Variants in SZT2 observed in about 807,000 individuals in gnomAD.
SZT2 encodes KICSTOR complex protein SZT2.
Under a neutral mutation model 404.2 loss-of-function variants are expected in SZT2, and 216 were observed. The ratio of observed to expected loss-of-function variants is 0.53; its 90% CI spans 0.48 to 0.60. The LOEUF (loss-of-function observed/expected upper bound fraction) is 0.60, where lower values mean the gene tolerates loss of function less well. Among genes scored for constraint, SZT2 ranks in the 20% least tolerant of loss-of-function variants. The probability of loss-of-function intolerance (pLI) is 0.00; values close to 1 mark genes in which losing one functional copy is unlikely to be tolerated. For missense variants in SZT2, 3,857 were observed against 4,459.2 expected (o/e 0.86, Z 3.85); for synonymous variants, 1,693 against 1,749.9 (o/e 0.97, Z 0.81).
In SZT2 at chr1:43,451,847, G is replaced by A. The variant is rs201415941; in HGVS notation, c.*1367G>A. 6.1e-5 allele frequency: 99 copies of A among 1,613,860 alleles called. 1 individual carries two copies. The highest frequency in any genetic ancestry group is 1.7e-4 in the Admixed American group (10 of 59,972). ...TCCTACCTTCTGTAAGATGGCTGCC[G>A]CTGTAAGAGAAGCCAGGGAGGGGAC... is the stretch of plus-strand genomic sequence containing the variant. On this transcript the variant is annotated 3_prime_UTR_variant, in exon 72 of 72. Transcript: ENST00000634258.
chr1:43,451,557 G>A lies in SZT2; in HGVS notation c.*1077G>A, dbSNP rs1418102978. On this transcript the variant is annotated 3_prime_UTR_variant, in exon 72 of 72. Transcript: ENST00000634258. ...ACCTGCACATGCCCTGGGGACAGAT[G>A]TGGACAAATGTGGGGTCCAGGCTCC... The A allele has an allele frequency of 6.2e-6, 10 of 1,613,514 alleles. No individual in the cohort carries two copies. The Middle Eastern group carries it at 4.9e-4, about 80-fold the overall frequency.
chr1:43,409,275 C>T (rs952575308), intron 4 of SZT2, among the ~76,000 whole-genome samples: 4 of 152,034 alleles, frequency 2.6e-5, no homozygotes, highest in South Asian at 4.2e-4. Context: ...GTAAGCAGGG[C>T]GTTCCTATTG....
Position 43,394,177 on chromosome 1 carries a change from T to A in SZT2, c.27+4182T>A, listed in dbSNP as rs1557497732. The A allele has an allele frequency of 2.7e-5, 19 of 695,738 alleles. No individual in the cohort carries two copies. The South Asian group carries it at 5.2e-4, about 19-fold the overall frequency. 43.1% of individuals were successfully genotyped at this position (695,738 alleles called of 1,614,324 possible). ...TGGAAGAATCACTTGGAGACCTTGT[T>A]AGAATGTAGATTCTGGAGCCCATCA... On this transcript the variant is annotated intron_variant, in intron 1 of 71. Transcript: ENST00000634258.
Position 43,426,311 on chromosome 1 carries a change from C to T in SZT2, c.3044-57C>T. ...GAGGGGCCAGCTGGTCAGGGCTGAGCCGGGGGCACCGGGCAGCAGGAGGCT... is the reference window on the plus strand; with the variant it reads ...GAGGGGCCAGCTGGTCAGGGCTGAGTCGGGGGCACCGGGCAGCAGGAGGCT... On this transcript the variant is annotated intron_variant, in intron 21 of 71. Transcript: ENST00000634258. This position sits in a 1 kb window ranked among gnomAD's most constrained non-coding sequence, Gnocchi z 4.9. 1 of 1,504,508 alleles carries T rather than the reference C, an allele frequency of 6.6e-7. No homozygotes were observed. The highest frequency in any genetic ancestry group is 8.9e-7 in the Non-Finnish European group (1 of 1,125,934). 93.2% of individuals were successfully genotyped at this position (1,504,508 alleles called of 1,614,324 possible).
rs933417587 is a variant in SZT2, at chr1:43,422,131, G to A, written c.1675G>A (p.Ala559Thr). 2.5e-6 allele frequency: 4 copies of A among 1,597,862 alleles called. No individual in the cohort carries two copies. Among genetic ancestry groups the A allele is most frequent in the Admixed American group, 3.3e-5 (2 of 59,966 alleles). ...TTCTGACTCATCCCATGCCCAGTTT[G>A]CTGCCTACTGGAAGCCAGTGCTGTC... is the stretch of plus-strand genomic sequence containing the variant. ...SGSDSSHAQF[A>T]AYWKPVLSMD... Residue 559 changes from alanine to threonine, a missense_variant, in exon 12 of 72, where the codon GCT becomes ACT. Around this residue, in one of 7 missense-constraint regions of SZT2, gnomAD observed 39 missense variants for 89.7 expected, o/e 0.43. Transcript: ENST00000634258.
Position 43,426,090 on chromosome 1 carries a change from C to G in SZT2, c.2982C>G (p.Asp994Glu). ...TCCATGAGATCCCTTTCCATTTTGA[C>G]CTAATGGGATTGCTGCCACAGTGCC... ...TCVHEIPFHF[D>E]LMGLLPQCQQ... is the part of the protein sequence containing the mutation. Residue 994 changes from aspartate to glutamate, a missense_variant, in exon 21 of 72, where the codon GAC becomes GAG. Physicochemically the swap from Asp to Glu is conservative, Grantham distance 45. This residue lies in a region of SZT2 where 1,725 missense variants were observed against 1,881.0 expected (regional missense o/e 0.92). Coordinates refer to ENST00000634258, the MANE Select transcript of SZT2 (RefSeq NM_001365999.1). This position sits in a 1 kb window ranked among gnomAD's most constrained non-coding sequence, Gnocchi z 4.9. 1 of 1,614,154 alleles carries G rather than the reference C, an allele frequency of 6.2e-7. No individual in the cohort carries two copies.
chr1:43,425,687 G>A lies in SZT2; in HGVS notation c.2814+45G>A, dbSNP rs777800365. The A allele has an allele frequency of 1.0e-5, 16 of 1,607,652 alleles. No individual in the cohort carries two copies. Among genetic ancestry groups the A allele is most frequent in the Non-Finnish European group, 1.4e-5 (16 of 1,176,124 alleles). The stretch of plus-strand genomic sequence containing the variant: ...TACCCGCACCTCTCTCACTGGATTG[G>A]GGTGCCATCTCTTTTGGAGTACTGC... On this transcript the variant is annotated intron_variant, in intron 19 of 71. Coordinates refer to ENST00000634258, the MANE Select transcript of SZT2 (RefSeq NM_001365999.1). This position sits in a 1 kb window ranked among gnomAD's most constrained non-coding sequence, Gnocchi z 4.3.
rs757114763 is a variant in SZT2, at chr1:43,431,840, G to A, written c.5213G>A (p.Arg1738His). 6 of 1,614,050 alleles carry A rather than the reference G, an allele frequency of 3.7e-6. No homozygotes were observed. The highest frequency in any genetic ancestry group is 3.3e-4 in the Middle Eastern group (2 of 6,082). Reference protein sequence around the residue: ...HSSPGRSTCLRQTLPLSFVFG... With the variant: ...HSSPGRSTCLHQTLPLSFVFG... ...TCTCCTGGACGCTCCACCTGCCTTCGCCAAACTCTGCCACTGAGTTTTGTA... is the reference window on the plus strand; with the variant it reads ...TCTCCTGGACGCTCCACCTGCCTTCACCAAACTCTGCCACTGAGTTTTGTA... The change falls in exon 36 of 72, where the codon CGC becomes CAC. Residue 1738 changes from arginine to histidine, a missense_variant. Arg to His is a conservative substitution (Grantham distance 29). Transcript: ENST00000634258.
chr1:43,409,475 A>G, intron 4 of SZT2: 2 of 396,598 alleles, frequency 5.0e-6, no homozygotes, highest in Non-Finnish European at 4.9e-6. Flanking sequence ...AAATAAGTCA[A>G]ATTATCCTTG....
chr1:43,424,499 C>A lies in SZT2; in HGVS notation c.2471+67C>A. Reference sequence around the variant, plus strand: ...GAGCAAGTGTAGACTGGGACACTAGCAAAAAGCCTATAGCACACACTTCTC... The same window carrying A: ...GAGCAAGTGTAGACTGGGACACTAGAAAAAAGCCTATAGCACACACTTCTC... On this transcript the variant is annotated intron_variant, in intron 16 of 71. Coordinates refer to ENST00000634258, the MANE Select transcript of SZT2 (RefSeq NM_001365999.1). This position sits in a 1 kb window ranked among gnomAD's most constrained non-coding sequence, Gnocchi z 4.1. The A allele has an allele frequency of 6.7e-7, 1 of 1,496,124 alleles. No individual in the cohort carries two copies. Among genetic ancestry groups the A allele is most frequent in the Admixed American group, 1.8e-5 (1 of 56,894 alleles). 92.7% of individuals were successfully genotyped at this position (1,496,124 alleles called of 1,614,324 possible).
intron 23 of SZT2, 25 bp from the exon 24 acceptor site, chr1:43,427,031 T>G: frequency 6.2e-7 from 1 of 1,613,776 alleles, no homozygotes; most frequent in Non-Finnish European, 8.5e-7. Flanking sequence ...TATAGATTGC[T>G]CTAATTTCTG....
Position 43,439,623 on chromosome 1 carries a change from T to C in SZT2, c.6896T>C (p.Leu2299Pro). The change falls in exon 50 of 72, where the codon CTA (leucine) becomes CCA (proline). Residue 2299 changes from leucine (L) to proline (P), a missense_variant. Transcript: ENST00000634258. This position sits in a 1 kb window ranked among gnomAD's most constrained non-coding sequence, Gnocchi z 4.2. ...TGGKGVACIT[L>P]AFVDEGGAPL... ...TACCCAGGGGTTGCCTGCATCACTC[T>C]AGCCTTTGTGGATGAAGGAGGGGCC... is the stretch of plus-strand genomic sequence containing the variant. The C allele has an allele frequency of 6.2e-7, 1 of 1,614,008 alleles. No homozygotes were observed. The highest frequency in any genetic ancestry group is 1.7e-5 in the Admixed American group (1 of 60,002).
chr1:43,419,065 A>G (rs145090121), intron 7 of SZT2, among the ~76,000 whole-genome samples: 7 of 152,360 alleles, frequency 4.6e-5, no homozygotes, highest in Non-Finnish European at 8.8e-5. Context: ...GTCTGCAAAC[A>G]CTTTCTGCAA....
rs1227384797 is a variant in SZT2, at chr1:43,420,312, C to A, written c.1250C>A (p.Thr417Lys). The A allele has an allele frequency of 1.3e-6, 2 of 1,592,628 alleles. No individual in the cohort carries two copies. Among genetic ancestry groups the A allele is most frequent in the Non-Finnish European group, 1.7e-6 (2 of 1,176,898 alleles). Residue 417 changes from threonine to lysine, a missense_variant, in exon 9 of 72, where the codon ACA becomes AAA. This residue lies in a region of SZT2 where 536 missense variants were observed against 637.4 expected (regional missense o/e 0.84). Coordinates refer to ENST00000634258, the MANE Select transcript of SZT2 (RefSeq NM_001365999.1). The surrounding 1 kb of genome is among the most constrained non-coding windows in gnomAD (Gnocchi z 5.1). ...LREGYSVREVTLAKGGSQLEV... is the reference protein window; with the variant it reads ...LREGYSVREVKLAKGGSQLEV... Reference sequence around the variant, plus strand: ...GAGGGCTACAGTGTCCGAGAGGTCACACTGGCCAAAGGTAAGGGTCATTAG... The same window carrying A: ...GAGGGCTACAGTGTCCGAGAGGTCAAACTGGCCAAAGGTAAGGGTCATTAG...
intron 41 of SZT2, among the ~76,000 whole-genome samples, chr1:43,434,833 G>C (rs1654294825): frequency 6.6e-6 from 1 of 152,162 alleles, no homozygotes; most frequent in Non-Finnish European, 1.5e-5. Context: ...TTGAACAACT[G>C]AATTACACAA....
At chr1:43,407,968 G>A (rs1235931159) in intron 4 of SZT2, among the ~76,000 whole-genome samples, 1 of 151,394 alleles carries the variant, frequency 6.6e-6, no homozygotes, top group Non-Finnish European at 1.5e-5. Flanking sequence ...GAGTAGCTGG[G>A]ACTACAGGCG....
In SZT2 at chr1:43,427,405, A is replaced by C. The variant is rs745328173; in HGVS notation, c.3558A>C (p.Thr1186=). Residue 1186 remains threonine (T), a synonymous_variant, in exon 25 of 72, where the codon ACA becomes ACC. Coordinates refer to ENST00000634258, the MANE Select transcript of SZT2 (RefSeq NM_001365999.1). ...TAGGAGGAACTGGGATCAAAGCTAC[A>C]AAGTCCCACGTCCCTGTCCTCAGTG... The part of the protein sequence containing the change: ...KDLGGTGIKA[T]KSHVPVLSVT... 1.9e-6 allele frequency: 3 copies of C among 1,613,752 alleles called. No individual in the cohort carries two copies. Among genetic ancestry groups the C allele is most frequent in the African/African-American group, 1.3e-5 (1 of 74,930 alleles).
At position 43,425,173 on chromosome 1, in the gene SZT2, C is replaced by T. The variant is rs778100720; in HGVS notation, c.2611C>T (p.Leu871Phe). ...GCACACCTGTGTTGTCCAGTACATC[C>T]TCTTCCCCCCACACTCTACCTCCAC... ...EKHTCVVQYI[L>F]FPPHSTSTKD... The change falls in exon 18 of 72, where the codon CTC (leucine) becomes TTC (phenylalanine). Residue 871 changes from leucine (L) to phenylalanine (F), a missense_variant. This residue lies in a region of SZT2 where 1,725 missense variants were observed against 1,881.0 expected (regional missense o/e 0.92). Transcript: ENST00000634258. The surrounding 1 kb of genome is among the most constrained non-coding windows in gnomAD (Gnocchi z 4.3). 1 of 1,614,210 alleles carries T rather than the reference C, an allele frequency of 6.2e-7. No homozygotes were observed. The highest frequency in any genetic ancestry group is 1.1e-5 in the South Asian group (1 of 91,084).
In SZT2 at chr1:43,443,617, A is replaced by G. The variant is rs1241027044; in HGVS notation, c.8646A>G (p.Ser2882=). 6 of 1,614,172 alleles carry G rather than the reference A, an allele frequency of 3.7e-6. No homozygotes were observed. In the South Asian group the frequency reaches 5.5e-5, roughly 15 times the overall value. Residue 2882 remains serine, a synonymous_variant, in exon 62 of 72, where the codon TCA becomes TCG. Coordinates refer to ENST00000634258, the MANE Select transcript of SZT2 (RefSeq NM_001365999.1). ...PDGQRRHRPE[S]GSGSREAPTS... is the part of the protein sequence containing the mutation. ...CATAGCGGCGCCATCGCCCTGAGTC[A>G]GGGTCTGGGAGCCGAGAGGCCCCCA...
Sources: allele counts gnomAD v4.1 joint callset (sites outside exome capture counted in the v4.1 genomes callset), GRCh38; gene constraint gnomAD v4.1.1; regional missense constraint gnomAD v4.1.1; non-coding constraint Gnocchi (gnomAD v3.1); transcripts MANE v1.5; gene names NCBI Gene and HGNC (gene_info 2026-07-23, HGNC 2026-07-21).